Variants in TRPC7 observed in about 807,000 individuals in gnomAD.
TRPC7 encodes the protein transient receptor potential cation channel subfamily C member 7.
A neutral mutation model predicts 90.1 loss-of-function variants in TRPC7; 42 were observed. That is an observed-to-expected ratio of 0.47 (90% CI 0.36 to 0.60). The LOEUF (loss-of-function observed/expected upper bound fraction) is 0.60, where lower values mean the gene tolerates loss of function less well. TRPC7 is among the 20% of genes least tolerant of loss of function. The pLI is 0.00. For missense variants in TRPC7, 955 were observed against 1,112.3 expected, an observed-to-expected ratio of 0.86 and a Z score of 2.01; for synonymous variants, 451 against 436.3, an observed-to-expected ratio of 1.03 and a Z score of -0.42.
Position 136,357,405 on chromosome 5 carries a change from T to C in TRPC7, c.3-20A>G. The C allele has an allele frequency of 6.4e-7, 1 of 1,567,086 alleles. No homozygotes were observed. The highest frequency in any genetic ancestry group is 1.2e-5 in the South Asian group (1 of 86,936). On this transcript the variant is annotated intron_variant, in intron 1 of 11. Coordinates refer to ENST00000513104, the MANE Select transcript of TRPC7 (RefSeq NM_020389.3). ...CTCAACCTATGGGACAAGGCAAAGA[T>C]GCCCTGTTACTTTCCTGCGGATTCC...
At chr5:136,293,228 A>G (rs1758025712) in intron 3 of TRPC7, among the ~76,000 whole-genome samples, 1 of 152,206 alleles carries the variant, frequency 6.6e-6, no homozygotes, top group Admixed American at 6.5e-5. Context: ...GAAAACTGGC[A>G]CAAGACAGGG....
chr5:136,352,953 G>T (rs557847447), intron 2 of TRPC7, among the ~76,000 whole-genome samples: 2 of 152,244 alleles, frequency 1.3e-5, no homozygotes, highest in South Asian at 4.2e-4. Context: ...ATAAAGAAAA[G>T]GAGTCACTTG....
intron 8 of TRPC7, 119 bp downstream of exon 8, chr5:136,231,235 T>G (rs1163606250): frequency 2.2e-5 from 20 of 919,120 alleles, no homozygotes; most frequent in Non-Finnish European, 3.0e-5. Flanking sequence ...GCCTGTTCTT[T>G]GCTGTTCTGG....
chr5:136,322,662 C>T (rs1759235335), intron 2 of TRPC7, among the ~76,000 whole-genome samples: 1 of 152,160 alleles, frequency 6.6e-6, no homozygotes, highest in Non-Finnish European at 1.5e-5. Flanking sequence ...GGCAACTATG[C>T]CCTGCATGTC....
chr5:136,321,307 C>T (rs1456878867), intron 2 of TRPC7, among the ~76,000 whole-genome samples: 1 of 152,128 alleles, frequency 6.6e-6, no homozygotes, highest in Admixed American at 6.5e-5. Flanking sequence ...ATATATGAAT[C>T]CCTGACAGAT....
intron 3 of TRPC7, among the ~76,000 whole-genome samples, chr5:136,305,360 C>G (rs1341337659): frequency 6.6e-6 from 1 of 152,200 alleles, no homozygotes; most frequent in Non-Finnish European, 1.5e-5. Context: ...GTACAAGCCA[C>G]TAGCCCACCT....
chr5:136,231,251 C>T (rs1023782137), intron 8 of TRPC7, 103 bp downstream of exon 8: 25 of 1,066,364 alleles, frequency 2.3e-5, no homozygotes, highest in Non-Finnish European at 3.3e-5. Flanking sequence ...TCTGGCTGCA[C>T]ATTTAACAAC....
At chr5:136,359,230 T>C (rs1034467529) in intron 1 of TRPC7, among the ~76,000 whole-genome samples, 1 of 152,220 alleles carries the variant, frequency 6.6e-6, no homozygotes, top group Non-Finnish European at 1.5e-5. Context: ...AAGCAAATAA[T>C]GCAGATCAGA....
At chr5:136,254,131 C>G (rs1318617304) in intron 5 of TRPC7, among the ~76,000 whole-genome samples, 2 of 152,212 alleles carry the variant, frequency 1.3e-5, no homozygotes, top group African/African-American at 4.8e-5. Context: ...AAGAAGCCAT[C>G]TCCATAACAT....
At chr5:136,332,733 A>G (rs950485099) in intron 2 of TRPC7, among the ~76,000 whole-genome samples, 1 of 152,230 alleles carries the variant, frequency 6.6e-6, no homozygotes, top group African/African-American at 2.4e-5. Flanking sequence ...TAGAGTTACT[A>G]TTTGTAAAAC....
intron 7 of TRPC7, among the ~76,000 whole-genome samples, chr5:136,236,276 A>G (rs909133835): frequency 2.0e-5 from 3 of 152,152 alleles, no homozygotes; most frequent in African/African-American, 7.2e-5. Context: ...TGCCCTTCCC[A>G]GCATACGTAC....
chr5:136,273,295 C>T (rs1009112890), intron 4 of TRPC7, among the ~76,000 whole-genome samples: 1 of 152,128 alleles, frequency 6.6e-6, no homozygotes, highest in African/African-American at 2.4e-5. Context: ...TTTTCACCCA[C>T]TGTGTTTTTT....
chr5:136,280,994 T>A (rs1350339564), intron 3 of TRPC7, among the ~76,000 whole-genome samples: 1 of 152,206 alleles, frequency 6.6e-6, no homozygotes, highest in Non-Finnish European at 1.5e-5. Context: ...CCAGGCCAGT[T>A]TGACATCAAA....
In TRPC7 at chr5:136,335,903, CAAAAAAAAAAAAA is replaced by C. The variant is rs869287763; in HGVS notation, c.781-20137_781-20125del. Among the ~76,000 whole-genome samples, 7 of 38,678 alleles carry C rather than the reference CAAAAAAAAAAAAA, an allele frequency of 1.8e-4. No individual in the cohort carries two copies. The East Asian group carries it at 7.6e-3, about 42-fold the overall frequency. 25.4% of individuals were successfully genotyped at this position (38,678 alleles called of 152,430 possible). ...TGGGCGACAGAGCGAGACTCCGTCT[CAAAAAAAAAAAAA>C]AAAAAAAAAAAAAGCTACGAGATAA... On this transcript the variant is annotated intron_variant, in intron 2 of 11. Transcript: ENST00000513104.
chr5:136,267,332 A>G lies in TRPC7; in HGVS notation c.1129-896T>C, dbSNP rs151030840. 8.0e-4 allele frequency among the ~76,000 whole-genome samples: 122 copies of G among 152,308 alleles called. 1 individual carries two copies. The highest frequency in any genetic ancestry group is 4.2e-3 in the East Asian group (22 of 5,180). ...AACTCAGTTGGGACTCTTCCAGCTCATTGCCCTCATCTAAGCACCAAGCCC... is the reference window on the plus strand; with the variant it reads ...AACTCAGTTGGGACTCTTCCAGCTCGTTGCCCTCATCTAAGCACCAAGCCC... On this transcript the variant is annotated intron_variant, in intron 4 of 11. Coordinates refer to ENST00000513104, the MANE Select transcript of TRPC7 (RefSeq NM_020389.3).
intron 3 of TRPC7, among the ~76,000 whole-genome samples, chr5:136,278,785 A>G (rs1414040404): frequency 2.0e-5 from 3 of 152,140 alleles, no homozygotes; most frequent in Admixed American, 6.6e-5. Context: ...TTTTTGCAGC[A>G]CTGCCTTCAA....
intron 7 of TRPC7, among the ~76,000 whole-genome samples, chr5:136,237,499 T>C (rs757570543): frequency 2.0e-5 from 3 of 152,230 alleles, no homozygotes; most frequent in Non-Finnish European, 4.4e-5. Flanking sequence ...ATGCATGTTT[T>C]GACTTCCTGT....
At chr5:136,281,131 C>T (rs746857592) in intron 3 of TRPC7, among the ~76,000 whole-genome samples, 11 of 152,308 alleles carry the variant, frequency 7.2e-5, no homozygotes, top group East Asian at 1.9e-4. Flanking sequence ...ACTCAACATT[C>T]GAGATGCTGC....
At chr5:136,347,092 T>C (rs1271783363) in intron 2 of TRPC7, among the ~76,000 whole-genome samples, 1 of 152,090 alleles carries the variant, frequency 6.6e-6, no homozygotes, top group Non-Finnish European at 1.5e-5. Context: ...CACCAGAAAC[T>C]AGGAAGAGAC....
Sources: allele counts gnomAD v4.1 joint callset (sites outside exome capture counted in the v4.1 genomes callset), GRCh38; gene constraint gnomAD v4.1.1; transcripts MANE v1.5; gene names NCBI Gene and HGNC (gene_info 2026-07-23, HGNC 2026-07-21).